The following CDC123 variants were observed in gnomAD, a reference collection of about 807,000 sequenced individuals.
The protein encoded by CDC123 is cell division cycle 123, also known as translation initiation factor eIF2 assembly protein.
Under a neutral mutation model 54.4 loss-of-function variants are expected in CDC123, and 37 were observed. The ratio of observed to expected loss-of-function variants is 0.68; its 90% CI spans 0.52 to 0.89. The LOEUF is 0.89. Among genes scored for constraint, CDC123 ranks in the 40% least tolerant of loss-of-function variants. The pLI is 0.00. For missense variants in CDC123, 361 were observed against 412.1 expected (o/e 0.88, Z 1.07); for synonymous variants, 144 against 136.8 (o/e 1.05, Z -0.37).
intron 6 of CDC123, among the ~76,000 whole-genome samples, chr10:12,219,730 G>A (rs1318837334): frequency 6.8e-6 from 1 of 146,706 alleles, no homozygotes; most frequent in East Asian, 2.0e-4. Flanking sequence ...TGTCGCCCAG[G>A]CTGGAGTGCA....
At chr10:12,246,314 T>A in intron 11 of CDC123, 37 bp downstream of exon 11, 1 of 1,608,120 alleles carries the variant, frequency 6.2e-7, no homozygotes, top group Non-Finnish European at 8.5e-7. Flanking sequence ...TGTAAACCTT[T>A]CCAGTCTACT....
In CDC123 at chr10:12,210,685, T is replaced by C. The variant is rs1159325167; in HGVS notation, c.237+363T>C. ...GTATTTCCTTATTCAAGTATATTTA[T>C]TTAGTTAGTTAGTTGTTTTGTGTAT... On this transcript the variant is annotated intron_variant, in intron 4 of 12. Transcript: ENST00000281141. 2.0e-5 allele frequency among the ~76,000 whole-genome samples: 3 copies of C among 152,292 alleles called. No homozygotes were observed. In the South Asian group the frequency reaches 6.2e-4, roughly 32 times the overall value.
chr10:12,250,083 G>A, intron 12 of CDC123: 1 of 483,940 alleles, frequency 2.1e-6, no homozygotes, highest in South Asian at 3.9e-5. Context: ...GTGGATTTCT[G>A]TGTAGGAGTT....
intron 11 of CDC123, 37 bp downstream of exon 11, chr10:12,246,314 T>C: frequency 6.2e-7 from 1 of 1,608,118 alleles, no homozygotes; most frequent in Non-Finnish European, 8.5e-7. Flanking sequence ...TGTAAACCTT[T>C]CCAGTCTACT....
intron 6 of CDC123, among the ~76,000 whole-genome samples, chr10:12,224,918 G>A (rs1450469270): frequency 6.6e-6 from 1 of 152,116 alleles, no homozygotes; most frequent in Non-Finnish European, 1.5e-5. Flanking sequence ...GGCCCTGAAG[G>A]CTATGCTTGG....
At chr10:12,241,995 C>T (rs1014913494) in intron 10 of CDC123, among the ~76,000 whole-genome samples, 13 of 152,108 alleles carry the variant, frequency 8.5e-5, no homozygotes, top group Admixed American at 5.9e-4. Flanking sequence ...GGGGATTTCC[C>T]GGTCTTTCTC....
chr10:12,199,668 C>G (rs1471494083), intron 2 of CDC123, among the ~76,000 whole-genome samples: 1 of 152,080 alleles, frequency 6.6e-6, no homozygotes, highest in Non-Finnish European at 1.5e-5. Flanking sequence ...GTGTGGTTTT[C>G]TGGATTATAT....
chr10:12,249,444 A>G, intron 11 of CDC123, 137 bp from the exon 12 acceptor site: 1 of 892,406 alleles, frequency 1.1e-6, no homozygotes, highest in Non-Finnish European at 1.7e-6. Flanking sequence ...ATTTTAACTT[A>G]AGCATCTTCC....
chr10:12,206,323 C>T (rs907802462), intron 2 of CDC123, among the ~76,000 whole-genome samples: 4 of 152,096 alleles, frequency 2.6e-5, no homozygotes, highest in African/African-American at 9.7e-5. Flanking sequence ...GGTAAGCAGC[C>T]ATGTTAAAGA....
At chr10:12,220,706 G>A (rs971913200) in intron 6 of CDC123, among the ~76,000 whole-genome samples, 3 of 152,218 alleles carry the variant, frequency 2.0e-5, no homozygotes, top group African/African-American at 7.2e-5. Flanking sequence ...TGCTGGGTGT[G>A]GTGGCTCATG....
intron 6 of CDC123, among the ~76,000 whole-genome samples, chr10:12,222,987 G>A (rs917037864): frequency 2.0e-5 from 3 of 152,130 alleles, no homozygotes; most frequent in African/African-American, 7.2e-5. Context: ...CGCCTCCCGG[G>A]TTCACGCCAT....
At chr10:12,199,505 C>G (rs1273587213) in intron 2 of CDC123, among the ~76,000 whole-genome samples, 2 of 152,088 alleles carry the variant, frequency 1.3e-5, no homozygotes, top group East Asian at 3.9e-4. Context: ...GGGACTTGGC[C>G]CATTTGTTCA....
chr10:12,229,973 TC>T (rs74538097), intron 6 of CDC123, among the ~76,000 whole-genome samples: 14,991 of 152,238 alleles, frequency 0.098, 1,461 homozygotes, highest in African/African-American at 0.25. Context: ...GACAGTGCCT[TC>T]CTGCCCTCGT....
chr10:12,210,135 G>GT, intron 3 of CDC123, 111 bp downstream of exon 3: 1 of 1,445,842 alleles, frequency 6.9e-7, no homozygotes, highest in Non-Finnish European at 9.5e-7. Context: ...GAGAAATTAC[G>GT]TGAGAATCTT....
At chr10:12,220,067 G>A (rs1835715314) in intron 6 of CDC123, among the ~76,000 whole-genome samples, 1 of 152,264 alleles carries the variant, frequency 6.6e-6, no homozygotes, top group Non-Finnish European at 1.5e-5. Context: ...TCCTGATCTC[G>A]TGATCCGCCC....
At chr10:12,238,888 G>C (rs1836015836) in intron 10 of CDC123, among the ~76,000 whole-genome samples, 2 of 152,032 alleles carry the variant, frequency 1.3e-5, no homozygotes, top group African/African-American at 4.8e-5. Flanking sequence ...CAGGCATGGT[G>C]GTGGGTGCCT....
intron 2 of CDC123, 73 bp downstream of exon 2, chr10:12,198,849 G>T: frequency 1.2e-6 from 1 of 812,422 alleles, no homozygotes; most frequent in Non-Finnish European, 2.1e-6. Context: ...ATTAGCTTAG[G>T]CACCATTCTT....
At chr10:12,213,928 G>T (rs1242798601) in intron 4 of CDC123, among the ~76,000 whole-genome samples, 1 of 152,044 alleles carries the variant, frequency 6.6e-6, no homozygotes, top group Non-Finnish European at 1.5e-5. Context: ...ATTAGTTCAT[G>T]TCACTATCAC....
chr10:12,231,063 G>A (rs1660063291), intron 7 of CDC123, 67 bp downstream of exon 7: 8 of 1,391,566 alleles, frequency 5.7e-6, no homozygotes, highest in Non-Finnish European at 7.0e-6. Context: ...TTATTCTTAA[G>A]TGAAATGAAA....
Sources: allele counts gnomAD v4.1 joint callset (sites outside exome capture counted in the v4.1 genomes callset), GRCh38; gene constraint gnomAD v4.1.1; transcripts MANE v1.5; gene names NCBI Gene and HGNC (gene_info 2026-07-23, HGNC 2026-07-21).